Variants in ANO3 observed in about 807,000 individuals in gnomAD.
ANO3 encodes anoctamin-3.
ANO3 carries 99 observed loss-of-function variants against 144.8 expected under a neutral mutation model. The ratio of observed to expected loss-of-function variants is 0.68; its 90% CI spans 0.58 to 0.81. The LOEUF is 0.81. ANO3 is among the 30% of genes least tolerant of loss of function. The pLI is 0.00. For missense variants in ANO3, 905 were observed against 1,202.2 expected, an observed-to-expected ratio of 0.75 and a Z score of 3.66; for synonymous variants, 414 against 392.6, an observed-to-expected ratio of 1.05 and a Z score of -0.64.
chr11:26,415,572 C>A (rs1857561046), intron 1 of ANO3, among the ~76,000 whole-genome samples: 1 of 151,918 alleles, frequency 6.6e-6, no homozygotes, highest in Non-Finnish European at 1.5e-5. Context: ...TTTTTTGTTT[C>A]ATCTTTCCTA....
At chr11:26,192,683 G>A (rs1851501136) in intron 1 of ANO3, among the ~76,000 whole-genome samples, 1 of 152,136 alleles carries the variant, frequency 6.6e-6, no homozygotes, top group South Asian at 2.1e-4. Flanking sequence ...AATGTAATTG[G>A]ATTAAAGTCA....
chr11:26,540,617 C>G (rs1849618609), intron 10 of ANO3, among the ~76,000 whole-genome samples: 1 of 152,008 alleles, frequency 6.6e-6, no homozygotes, highest in Admixed American at 6.6e-5. Flanking sequence ...AAAAATAACC[C>G]CATCAAAAAG....
intron 14 of ANO3, among the ~76,000 whole-genome samples, chr11:26,594,893 G>A (rs1263273702): frequency 1.3e-5 from 2 of 152,184 alleles, no homozygotes; most frequent in East Asian, 3.9e-4. Context: ...TCCCTCAGGG[G>A]GCCAGGTTTC....
rs538817047 is a variant in ANO3, at chr11:26,433,056, T to C, written c.47-8862T>C. Among the ~76,000 whole-genome samples the C allele has an allele frequency of 3.3e-5, 5 of 152,280 alleles. No individual in the cohort carries two copies. In the East Asian group the frequency reaches 9.7e-4, roughly 29 times the overall value. ...GAGCATGGAATGTTCTTGCATTTGT[T>C]TGTATTGTCTCTGATTTTGAGCAGT... On this transcript the variant is annotated intron_variant, in intron 1 of 26. Coordinates refer to ENST00000256737, the MANE Select transcript of ANO3 (RefSeq NM_031418.4).
At chr11:26,591,248 G>C (rs1851442553) in intron 14 of ANO3, among the ~76,000 whole-genome samples, 1 of 152,120 alleles carries the variant, frequency 6.6e-6, no homozygotes, top group Non-Finnish European at 1.5e-5. Context: ...TGTTGGGGAG[G>C]TTGGCCAACG....
At chr11:26,594,408 G>A (rs983369290) in intron 14 of ANO3, among the ~76,000 whole-genome samples, 5 of 152,220 alleles carry the variant, frequency 3.3e-5, no homozygotes, top group African/African-American at 1.2e-4. Context: ...TGATTTAGCA[G>A]TAACATTATA....
chr11:26,286,440 T>C (rs1853808564), intron 1 of ANO3, among the ~76,000 whole-genome samples: 1 of 152,250 alleles, frequency 6.6e-6, no homozygotes, highest in South Asian at 2.1e-4. Context: ...AGAATTATTT[T>C]AGTTGAAACC....
intron 21 of ANO3, among the ~76,000 whole-genome samples, chr11:26,641,222 A>ACTTATT (rs1440346697): frequency 6.6e-6 from 1 of 152,140 alleles, no homozygotes; most frequent in Non-Finnish European, 1.5e-5. Context: ...ACGGACACAG[A>ACTTATT]CTTATTGCCT....
chr11:26,517,535 A>G (rs1339129618), intron 6 of ANO3, among the ~76,000 whole-genome samples: 1 of 152,030 alleles, frequency 6.6e-6, no homozygotes, highest in East Asian at 1.9e-4. Context: ...CATTTCTCAC[A>G]GTAAAATTCA....
At chr11:26,210,547 G>T (rs569835463) in intron 1 of ANO3, among the ~76,000 whole-genome samples, 1 of 152,260 alleles carries the variant, frequency 6.6e-6, no homozygotes, top group Non-Finnish European at 1.5e-5. Flanking sequence ...CATGAAGATA[G>T]CATTGAATCT....
intron 3 of ANO3, among the ~76,000 whole-genome samples, chr11:26,460,420 G>T (rs1590380002): frequency 1.2e-4 from 1 of 8,614 alleles, no homozygotes; most frequent in Non-Finnish European, 4.2e-4. Context: ...GAAGAAGAAA[G>T]GGGGGGGGGC....
chr11:26,501,119 AC>A (rs1861178848), intron 4 of ANO3, among the ~76,000 whole-genome samples: 1 of 152,236 alleles, frequency 6.6e-6, no homozygotes, highest in Admixed American at 6.5e-5. Flanking sequence ...ATTAAGAAAA[AC>A]AAACCTAGAA....
chr11:26,270,797 A>G (rs1364235955), intron 1 of ANO3, among the ~76,000 whole-genome samples: 1 of 152,218 alleles, frequency 6.6e-6, no homozygotes, highest in Non-Finnish European at 1.5e-5. Context: ...TCTCCTTGAC[A>G]TATGAAAAGG....
chr11:26,221,625 C>T (rs1852144953), intron 1 of ANO3, among the ~76,000 whole-genome samples: 2 of 152,204 alleles, frequency 1.3e-5, no homozygotes, highest in Admixed American at 1.3e-4. Context: ...TTAATTCACT[C>T]ATGATTCTGC....
chr11:26,654,947 G>T (rs1853639970), intron 24 of ANO3, among the ~76,000 whole-genome samples: 1 of 152,090 alleles, frequency 6.6e-6, no homozygotes, highest in Admixed American at 6.6e-5. Context: ...GCTCCACTTG[G>T]TCATGAGATT....
chr11:26,495,035 A>G (rs958450191), intron 4 of ANO3, among the ~76,000 whole-genome samples: 1 of 152,070 alleles, frequency 6.6e-6, no homozygotes, highest in Admixed American at 6.6e-5. Context: ...CTTAAATGAT[A>G]CCCATAGGTT....
At chr11:26,453,087 C>G (rs1037686078) in intron 3 of ANO3, among the ~76,000 whole-genome samples, 1 of 152,066 alleles carries the variant, frequency 6.6e-6, no homozygotes, top group African/African-American at 2.4e-5. Context: ...AAGCACTAAA[C>G]ATGGAAAGGA....
chr11:26,499,760 C>T (rs1861115718), intron 4 of ANO3, among the ~76,000 whole-genome samples: 1 of 151,844 alleles, frequency 6.6e-6, no homozygotes, highest in Non-Finnish European at 1.5e-5. Context: ...ATGCATTTTA[C>T]AATCAAAAAA....
chr11:26,421,043 C>G (rs1232208622), intron 1 of ANO3, among the ~76,000 whole-genome samples: 2 of 151,972 alleles, frequency 1.3e-5, no homozygotes, highest in Non-Finnish European at 2.9e-5. Context: ...TGGGACTTGA[C>G]ACAAGTTTCT....
Sources: gnomAD v4.1 joint callset for allele counts (sites outside exome capture counted in the v4.1 genomes callset) on GRCh38, gnomAD v4.1.1 for gene constraint, MANE v1.5 for transcripts, NCBI Gene and HGNC (gene_info 2026-07-23, HGNC 2026-07-21) for gene names.